RSRC1: variants seen among roughly 807,000 people sequenced by gnomAD.
RSRC1 encodes the protein arginine and serine rich coiled-coil 1.
In RSRC1, 39 loss-of-function variants were observed where a neutral mutation model predicts 49.1. The observed-to-expected ratio is 0.79, with a 90% confidence interval of 0.61 to 1.04. RSRC1 has a LOEUF of 1.04. Among genes scored for constraint, RSRC1 ranks in the 50% least tolerant of loss-of-function variants. The pLI, the probability that RSRC1 is intolerant of heterozygous loss-of-function variation, is 0.00. For synonymous variants in RSRC1, 143 were observed against 130.8 expected (o/e 1.09, Z -0.63); for missense variants, 388 against 402.4 (o/e 0.96, Z 0.31).
rs181420225 is a variant in RSRC1 at position 158,366,132 on chromosome 3, C to G, written c.583+11224C>G. 1.8e-4 allele frequency among the ~76,000 whole-genome samples: 28 copies of G among 152,314 alleles called. No individual in the cohort carries two copies. In the East Asian group the frequency reaches 3.1e-3, roughly 17 times the overall value. On this transcript the variant is annotated intron_variant, in intron 6 of 9. Coordinates refer to ENST00000611884, the MANE Select transcript of RSRC1 (RefSeq NM_001271838.2). Reference sequence around the variant, plus strand: ...TCTGATGATAGTTTCTTTTGCTGTGCAGAAGCTCTTTAGTTTAATTAGATC... The same window carrying G: ...TCTGATGATAGTTTCTTTTGCTGTGGAGAAGCTCTTTAGTTTAATTAGATC...
At chr3:158,188,123 A>G (rs1464249065) in intron 3 of RSRC1, among the ~76,000 whole-genome samples, 1 of 151,854 alleles carries the variant, frequency 6.6e-6, no homozygotes, top group Non-Finnish European at 1.5e-5. Context: ...TTCCAGTGCT[A>G]ATACTTGACT....
At chr3:158,158,423 A>G (rs1718012988) in intron 3 of RSRC1, among the ~76,000 whole-genome samples, 1 of 152,202 alleles carries the variant, frequency 6.6e-6, no homozygotes, top group African/African-American at 2.4e-5. Context: ...TTATAATTAT[A>G]TATTTTTAAA....
intron 6 of RSRC1, among the ~76,000 whole-genome samples, chr3:158,449,899 C>T (rs1736925889): frequency 6.6e-6 from 1 of 151,930 alleles, no homozygotes; most frequent in South Asian, 2.1e-4. Flanking sequence ...CTCCTGGTTT[C>T]CTACTACTGC....
chr3:158,277,588 C>T (rs1725889260), intron 4 of RSRC1, among the ~76,000 whole-genome samples: 1 of 152,092 alleles, frequency 6.6e-6, no homozygotes, highest in South Asian at 2.1e-4. Flanking sequence ...AAAAAACATA[C>T]TCCTTGAAAT....
intron 7 of RSRC1, among the ~76,000 whole-genome samples, chr3:158,500,903 T>C (rs1434862005): frequency 6.6e-6 from 1 of 152,160 alleles, no homozygotes; most frequent in African/African-American, 2.4e-5. Context: ...CTGCTGAGTT[T>C]GGGTTTGTTT....
chr3:158,202,378 C>T (rs1449887635), intron 3 of RSRC1, among the ~76,000 whole-genome samples: 3 of 151,136 alleles, frequency 2.0e-5, no homozygotes, highest in African/African-American at 7.3e-5. Context: ...TTGTCATCCT[C>T]ATCTTCATGT....
chr3:158,205,241 G>T (rs1332700231), intron 4 of RSRC1, among the ~76,000 whole-genome samples: 2 of 152,084 alleles, frequency 1.3e-5, no homozygotes, highest in Admixed American at 1.3e-4. Context: ...TTGTGTTAGG[G>T]TGCCCTTTCC....
At position 158,438,447 on chromosome 3, in the gene RSRC1, C is replaced by T. The variant is rs1168715059; in HGVS notation, c.584-22488C>T. 1.2e-4 allele frequency among the ~76,000 whole-genome samples: 18 copies of T among 152,216 alleles called. 1 individual carries two copies. Among genetic ancestry groups the T allele is most frequent in the Admixed American group, 8.5e-4 (13 of 15,268 alleles). On this transcript the variant is annotated intron_variant, in intron 6 of 9. Coordinates refer to ENST00000611884, the MANE Select transcript of RSRC1 (RefSeq NM_001271838.2). ...TACAAGGCTACAGTAACCAAAACAG[C>T]GTGATACTGGTACCAAAACAGATAT...
intron 6 of RSRC1, among the ~76,000 whole-genome samples, chr3:158,445,925 G>C (rs1266311902): frequency 6.6e-6 from 1 of 152,030 alleles, no homozygotes; most frequent in African/African-American, 2.4e-5. Flanking sequence ...TAAATAAACA[G>C]TTTGAGATTT....
At chr3:158,142,214 T>C (rs1420955188) in intron 3 of RSRC1, among the ~76,000 whole-genome samples, 1 of 152,248 alleles carries the variant, frequency 6.6e-6, no homozygotes, top group Non-Finnish European at 1.5e-5. Context: ...ATGCTTACCT[T>C]CATTGTAGAT....
chr3:158,254,767 G>T (rs935455566), intron 4 of RSRC1, among the ~76,000 whole-genome samples: 1 of 152,044 alleles, frequency 6.6e-6, no homozygotes, highest in Non-Finnish European at 1.5e-5. Context: ...ATTCTAACTG[G>T]TGTGAAATGG....
At chr3:158,382,080 A>T (rs938134560) in intron 6 of RSRC1, among the ~76,000 whole-genome samples, 1 of 152,236 alleles carries the variant, frequency 6.6e-6, no homozygotes, top group South Asian at 2.1e-4. Flanking sequence ...AACTTTAAAA[A>T]AAATTTTTTT....
intron 8 of RSRC1, 90 bp downstream of exon 8, chr3:158,537,288 C>A: frequency 1.4e-6 from 1 of 721,574 alleles, no homozygotes; most frequent in East Asian, 3.1e-5. Context: ...TGTGTTTCTT[C>A]TAATAGATGA....
chr3:158,440,218 A>G (rs755638842), intron 6 of RSRC1, among the ~76,000 whole-genome samples: 8 of 151,932 alleles, frequency 5.3e-5, no homozygotes, highest in Non-Finnish European at 1.2e-4. Flanking sequence ...TGTAAAGGAT[A>G]TGAGATGAAG....
chr3:158,466,852 G>A (rs145523273), intron 7 of RSRC1, among the ~76,000 whole-genome samples: 7 of 152,140 alleles, frequency 4.6e-5, no homozygotes, highest in East Asian at 1.9e-4. Context: ...GCTTGAGCCC[G>A]GGAGTTCGAG....
At chr3:158,255,873 G>A (rs1724518406) in intron 4 of RSRC1, among the ~76,000 whole-genome samples, 1 of 152,108 alleles carries the variant, frequency 6.6e-6, no homozygotes, top group Non-Finnish European at 1.5e-5. Context: ...GTCTGTTATT[G>A]GTGTATAGGA....
At chr3:158,172,261 A>T (rs1359836905) in intron 3 of RSRC1, among the ~76,000 whole-genome samples, 1 of 152,196 alleles carries the variant, frequency 6.6e-6, no homozygotes. Context: ...ATGCCCAGAC[A>T]TATTATAATC....
At position 158,464,763 on chromosome 3, in the gene RSRC1, T is replaced by C. The variant is rs538604829; in HGVS notation, c.652+3760T>C. 9.5e-4 allele frequency among the ~76,000 whole-genome samples: 144 copies of C among 152,256 alleles called. 1 individual carries two copies. Among genetic ancestry groups the C allele is most frequent in the Middle Eastern group, 6.8e-3 (2 of 294 alleles). On this transcript the variant is annotated intron_variant, in intron 7 of 9. Transcript: ENST00000611884. ...TTCTAAGTATTCTACTTATTAACTG[T>C]CTTAATCATCATGAACTCTATACGG...
At chr3:158,431,703 T>C (rs1735778444) in intron 6 of RSRC1, among the ~76,000 whole-genome samples, 1 of 151,920 alleles carries the variant, frequency 6.6e-6, no homozygotes, top group East Asian at 1.9e-4. Flanking sequence ...AATACCTCTT[T>C]GGGGAGAAAT....
Sources: allele counts gnomAD v4.1 joint callset (sites outside exome capture counted in the v4.1 genomes callset), GRCh38; gene constraint gnomAD v4.1.1; transcripts MANE v1.5; gene names NCBI Gene and HGNC (gene_info 2026-07-23, HGNC 2026-07-21).